Variants in COL13A1 observed in about 807,000 individuals in gnomAD.
COL13A1 encodes the protein collagen alpha-1(XIII) chain.
A neutral mutation model predicts 130.9 loss-of-function variants in COL13A1; 89 were observed. The observed-to-expected ratio is 0.68, with a 90% CI of 0.57 to 0.81. The LOEUF is 0.81. Among genes scored for constraint, COL13A1 ranks in the 30% least tolerant of loss-of-function variants. COL13A1 has a pLI of 0.00. For synonymous variants in COL13A1, 402 were observed against 341.6 expected, an observed-to-expected ratio of 1.18 and a Z score of -1.95; for missense variants, 879 against 934.6, an observed-to-expected ratio of 0.94 and a Z score of 0.78.
At chr10:69,948,197 G>T (rs1213037479) in intron 38 of COL13A1, among the ~76,000 whole-genome samples, 1 of 152,214 alleles carries the variant, frequency 6.6e-6, no homozygotes, top group Admixed American at 6.5e-5. Flanking sequence ...ATGATTATGT[G>T]TTCTGGGATC....
At position 69,802,603 on chromosome 10, in the gene COL13A1, C is replaced by G. The variant is rs759802996; in HGVS notation, c.180C>G (p.Leu60=). The change falls in exon 1 of 41, where the codon CTC becomes CTG. Residue 60 remains leucine, a synonymous_variant. Transcript: ENST00000645393. The part of the protein sequence containing the change: ...LALCSLALSL[L]AHFRTAELQA... Reference sequence around the variant, plus strand: ...TCTGCTCGCTGGCACTCAGCCTGCTCGCCCACTTTCGGACGGCCGAGCTGC... The same window carrying G: ...TCTGCTCGCTGGCACTCAGCCTGCTGGCCCACTTTCGGACGGCCGAGCTGC... 6.2e-7 allele frequency: 1 copy of G among 1,612,908 alleles called. No homozygotes were observed. The highest frequency in any genetic ancestry group is 1.1e-5 in the South Asian group (1 of 91,028).
chr10:69,870,902 G>A (rs2059002853), intron 3 of COL13A1, among the ~76,000 whole-genome samples: 1 of 152,122 alleles, frequency 6.6e-6, no homozygotes, highest in Non-Finnish European at 1.5e-5. Flanking sequence ...CACGCCTGAT[G>A]CTTGGGCGAA....
intron 2 of COL13A1, among the ~76,000 whole-genome samples, chr10:69,836,343 A>G (rs7079971): frequency 0.45 from 68,924 of 152,104 alleles, 16,113 homozygotes; most frequent in African/African-American, 0.57. Flanking sequence ...AGGCGGGGCC[A>G]AGGCAGGGAC....
At chr10:69,929,088 C>A in intron 28 of COL13A1, 89 bp downstream of exon 28, 1 of 1,013,130 alleles carries the variant, frequency 9.9e-7, no homozygotes, top group Non-Finnish European at 1.5e-6. Context: ...CTCATCTTCC[C>A]AGCACTACCA....
intron 2 of COL13A1, among the ~76,000 whole-genome samples, chr10:69,825,957 C>A (rs1279299214): frequency 5.3e-5 from 8 of 152,276 alleles, no homozygotes; most frequent in African/African-American, 1.9e-4. Flanking sequence ...CAAAGGTCAA[C>A]CCTCAGTTAG....
At position 69,894,778 on chromosome 10, in the gene COL13A1, G is replaced by T. The variant is rs191738276; in HGVS notation, c.657+77G>T. The T allele has an allele frequency of 8.5e-5, 135 of 1,579,890 alleles. No homozygotes were observed. In the East Asian group the frequency reaches 2.5e-3, roughly 30 times the overall value. ...AGTTGGTAGAAAGGGGTCAATTATG[G>T]TTATTTTCAAACTTCAGTTTTAATT... is the stretch of plus-strand genomic sequence containing the variant. On this transcript the variant is annotated intron_variant, in intron 12 of 40. Transcript: ENST00000645393.
chr10:69,925,510 A>G (rs1231181843), intron 25 of COL13A1, among the ~76,000 whole-genome samples: 1 of 152,178 alleles, frequency 6.6e-6, no homozygotes, highest in Non-Finnish European at 1.5e-5. Flanking sequence ...TTGACGAGGC[A>G]GGAGGGGAAG....
chr10:69,865,191 C>T (rs1859493154), intron 2 of COL13A1, among the ~76,000 whole-genome samples: 1 of 152,234 alleles, frequency 6.6e-6, no homozygotes, highest in African/African-American at 2.4e-5. Context: ...CTGGGCCTCT[C>T]TCTCTCCATC....
intron 2 of COL13A1, among the ~76,000 whole-genome samples, chr10:69,859,169 G>C (rs972153052): frequency 1.3e-5 from 2 of 152,196 alleles, no homozygotes; most frequent in African/African-American, 4.8e-5. Flanking sequence ...AAGGTGCTTG[G>C]CGCTGGTAAG....
intron 10 of COL13A1, among the ~76,000 whole-genome samples, chr10:69,893,510 T>C (rs1484469480): frequency 6.6e-6 from 1 of 152,202 alleles, no homozygotes; most frequent in African/African-American, 2.4e-5. Flanking sequence ...GGAACAAGGC[T>C]CTGGCACATC....
At chr10:69,935,437 C>T (rs757550559) in intron 32 of COL13A1, 46 bp downstream of exon 32, 2 of 1,410,832 alleles carry the variant, frequency 1.4e-6, no homozygotes, top group South Asian at 2.8e-5. Context: ...AATGTCCCCT[C>T]TCCACAGCAG....
chr10:69,839,409 C>T (rs1292879663), intron 2 of COL13A1, among the ~76,000 whole-genome samples: 1 of 152,098 alleles, frequency 6.6e-6, no homozygotes, highest in Non-Finnish European at 1.5e-5. Context: ...CCCCACGGCC[C>T]ACTTTACTGA....
chr10:69,935,078 GTT>G (rs112108347), intron 31 of COL13A1, among the ~76,000 whole-genome samples: 1 of 147,014 alleles, frequency 6.8e-6, no homozygotes, highest in Non-Finnish European at 1.5e-5. Flanking sequence ...TGTTTTTTTT[GTT>G]TTTTTTTTTC....
chr10:69,824,016 G>A (rs755025299), intron 2 of COL13A1: 17 of 456,124 alleles, frequency 3.7e-5, no homozygotes, highest in Middle Eastern at 3.3e-4. Flanking sequence ...TTTGCTCAGC[G>A]TATAGAATGC....
intron 4 of COL13A1, among the ~76,000 whole-genome samples, chr10:69,873,390 G>T (rs1368007507): frequency 2.0e-5 from 3 of 152,196 alleles, no homozygotes; most frequent in Admixed American, 2.0e-4. Flanking sequence ...GAGGACGGGT[G>T]AATCGGTCCC....
intron 15 of COL13A1, among the ~76,000 whole-genome samples, chr10:69,903,790 G>T (rs1469314819): frequency 1.3e-5 from 2 of 152,190 alleles, no homozygotes; most frequent in African/African-American, 4.8e-5. Context: ...TGATAGTTTT[G>T]CTGGAATAGA....
chr10:69,914,714 G>T (rs1237588696), intron 17 of COL13A1, among the ~76,000 whole-genome samples: 1 of 152,218 alleles, frequency 6.6e-6, no homozygotes, highest in Non-Finnish European at 1.5e-5. Flanking sequence ...CATTCAGAAT[G>T]CTAGCAGGGG....
At chr10:69,911,107 G>A (rs1406741247) in intron 17 of COL13A1, among the ~76,000 whole-genome samples, 1 of 152,206 alleles carries the variant, frequency 6.6e-6, no homozygotes, top group Non-Finnish European at 1.5e-5. Context: ...CCTATGATGA[G>A]ATGGCTAGAG....
chr10:69,884,842 A>G (rs574183668), intron 7 of COL13A1, among the ~76,000 whole-genome samples: 1 of 152,366 alleles, frequency 6.6e-6, no homozygotes, highest in Admixed American at 6.5e-5. Context: ...ACACATGAAC[A>G]GAACAGAATG....
Sources: allele counts gnomAD v4.1 joint callset (sites outside exome capture counted in the v4.1 genomes callset), GRCh38; gene constraint gnomAD v4.1.1; transcripts MANE v1.5; gene names NCBI Gene and HGNC (gene_info 2026-07-23, HGNC 2026-07-21).